The following GC variants were observed in gnomAD, a reference collection of about 807,000 sequenced individuals.
GC encodes GC vitamin D binding protein, also known as vitamin D-binding protein.
GC carries 43 observed loss-of-function variants against 56.7 expected under a neutral mutation model. The ratio of observed to expected loss-of-function variants is 0.76; its 90% confidence interval spans 0.59 to 0.98. The LOEUF is 0.98. Among genes scored for constraint, GC ranks in the 50% least tolerant of loss-of-function variants. The probability of loss-of-function intolerance (pLI) is 0.00; values close to 1 mark genes in which losing one functional copy is unlikely to be tolerated. For synonymous variants in GC, 216 were observed against 202.7 expected (o/e 1.07, Z -0.56); for missense variants, 529 against 545.9 (o/e 0.97, Z 0.31).
rs191782519 is a variant in GC, at chr4:71,780,441, A to G, written c.58+3520T>C. On this transcript the variant is annotated intron_variant, in intron 1 of 12. Transcript: ENST00000273951. Reference sequence around the variant, plus strand: ...GCAAAAGAAACTACCATCAGAGTGAACAGCAACCTACAGAATGGGAGAAAC... The same window carrying G: ...GCAAAAGAAACTACCATCAGAGTGAGCAGCAACCTACAGAATGGGAGAAAC... Among the ~76,000 whole-genome samples, 12 of 152,282 alleles carry G rather than the reference A, an allele frequency of 7.9e-5. No individual in the cohort carries two copies. The East Asian group carries it at 2.1e-3, about 27-fold the overall frequency.
intron 7 of GC, 74 bp downstream of exon 7, chr4:71,757,967 GA>G: frequency 8.0e-7 from 1 of 1,252,590 alleles, no homozygotes; most frequent in Non-Finnish European, 1.1e-6. Context: ...ATAGAACTTA[GA>G]AGAGTACCTG....
intron 9 of GC, among the ~76,000 whole-genome samples, chr4:71,754,756 G>A (rs899178492): frequency 1.3e-5 from 2 of 152,208 alleles, no homozygotes; most frequent in African/African-American, 4.8e-5. Flanking sequence ...GGAAGTTAAT[G>A]TATGTATGAA....
At chr4:71,752,457 T>A in intron 11 of GC, 61 bp downstream of exon 11, 1 of 1,329,820 alleles carries the variant, frequency 7.5e-7, no homozygotes. Flanking sequence ...AATGAGTAGA[T>A]TGGAGTGCAT....
chr4:71,800,252 C>A (rs1218621535), intron 1 of GC, among the ~76,000 whole-genome samples: 1 of 152,068 alleles, frequency 6.6e-6, no homozygotes, highest in Non-Finnish European at 1.5e-5. Context: ...CCCTGGCAGG[C>A]CCCGGTGTGT....
intron 1 of GC, among the ~76,000 whole-genome samples, chr4:71,772,881 C>T (rs907592947): frequency 6.6e-6 from 1 of 151,964 alleles, no homozygotes; most frequent in African/African-American, 2.4e-5. Flanking sequence ...TTCATTTGCC[C>T]AAAGAGAAGA....
At chr4:71,761,670 T>C (rs552490399) in intron 6 of GC, among the ~76,000 whole-genome samples, 1 of 152,286 alleles carries the variant, frequency 6.6e-6, no homozygotes, top group South Asian at 2.1e-4. Context: ...TCCCGTGCTG[T>C]GTGCAGTCTA....
chr4:71,774,495 G>A (rs1560705118), intron 1 of GC, among the ~76,000 whole-genome samples: 1 of 125,508 alleles, frequency 8.0e-6, no homozygotes, highest in African/African-American at 2.5e-5. Flanking sequence ...GCTTTTGTAG[G>A]GGTAAAGATA....
At chr4:71,771,424 A>G (rs1742338081) in intron 1 of GC, among the ~76,000 whole-genome samples, 1 of 152,056 alleles carries the variant, frequency 6.6e-6, no homozygotes, top group African/African-American at 2.4e-5. Context: ...CAGTCGCAGC[A>G]TGTACTTTTT....
At chr4:71,768,263 C>A in intron 3 of GC, 38 bp downstream of exon 3, 1 of 1,532,700 alleles carries the variant, frequency 6.5e-7, no homozygotes, top group Non-Finnish European at 8.8e-7. Flanking sequence ...GCTTCCTTCT[C>A]TGGGCTGCCA....
chr4:71,790,519 G>A (rs964355783), intron 1 of GC, among the ~76,000 whole-genome samples: 5 of 151,626 alleles, frequency 3.3e-5, no homozygotes, highest in African/African-American at 1.2e-4. Flanking sequence ...TGTACATTCT[G>A]ATTATTTTTT....
intron 1 of GC, among the ~76,000 whole-genome samples, chr4:71,789,762 T>C (rs1326725914): frequency 6.6e-6 from 1 of 151,842 alleles, no homozygotes; most frequent in Non-Finnish European, 1.5e-5. Context: ...TTTCCTGGAT[T>C]ATTAGGGTGG....
chr4:71,794,599 A>G (rs964753620), intron 1 of GC, among the ~76,000 whole-genome samples: 2 of 151,914 alleles, frequency 1.3e-5, no homozygotes, highest in East Asian at 3.9e-4. Context: ...GATTTTTTTA[A>G]AAAACCAGCT....
chr4:71,749,739 T>G (rs1299880619), intron 11 of GC, among the ~76,000 whole-genome samples: 2 of 152,228 alleles, frequency 1.3e-5, no homozygotes, highest in African/African-American at 4.8e-5. Context: ...CAATCCAGCT[T>G]CTTCTGTTTT....
At chr4:71,784,210 A>T (rs549387045), upstream of GC, 12 of 1,274,936 alleles carry the variant, frequency 9.4e-6, no homozygotes, top group African/African-American at 1.2e-4. Flanking sequence ...CCCAAAAGAG[A>T]TAAAATAATA....
chr4:71,790,828 C>T (rs901800137), intron 1 of GC, among the ~76,000 whole-genome samples: 6 of 151,612 alleles, frequency 4.0e-5, no homozygotes, highest in South Asian at 2.1e-4. Flanking sequence ...AGGTTAGTTA[C>T]GTATGTATAC....
At chr4:71,771,995 C>T (rs1742358662) in intron 1 of GC, among the ~76,000 whole-genome samples, 1 of 152,114 alleles carries the variant, frequency 6.6e-6, no homozygotes, top group Non-Finnish European at 1.5e-5. Context: ...TTTATTCCAA[C>T]TGTGTCTATT....
At chr4:71,789,982 T>C (rs935606940) in intron 1 of GC, among the ~76,000 whole-genome samples, 1 of 152,022 alleles carries the variant, frequency 6.6e-6, no homozygotes, top group African/African-American at 2.4e-5. Flanking sequence ...CCAATTCCCA[T>C]TGAGAATTTT....
At chr4:71,742,674 T>A (rs188271374) in intron 12 of GC, among the ~76,000 whole-genome samples, 1 of 152,174 alleles carries the variant, frequency 6.6e-6, no homozygotes, top group East Asian at 1.9e-4. Context: ...CTTTGTGAGA[T>A]AATTAAGAGA....
At position 71,774,446 on chromosome 4, in the gene GC, C is replaced by G. The variant is rs139781519; in HGVS notation, c.59-5046G>C. ...TCTCCATGCATTTCATCCCACCTCT[C>G]TTTCCTTTTGTGGGTTGGTTACCTC... On this transcript the variant is annotated intron_variant, in intron 1 of 12. Coordinates refer to ENST00000273951, the MANE Select transcript of GC (RefSeq NM_000583.4). 3.4e-3 allele frequency among the ~76,000 whole-genome samples: 511 copies of G among 151,984 alleles called. 3 individuals are homozygous for G. Among genetic ancestry groups the G allele is most frequent in the African/African-American group, 0.012 (495 of 41,522 alleles).
Sources: gnomAD v4.1 joint callset for allele counts (sites outside exome capture counted in the v4.1 genomes callset) on GRCh38, gnomAD v4.1.1 for gene constraint, MANE v1.5 for transcripts, NCBI Gene and HGNC (gene_info 2026-07-23, HGNC 2026-07-21) for gene names.